The following RGS7 variants were observed in gnomAD, a reference collection of about 807,000 sequenced individuals.
RGS7 encodes the protein regulator of G-protein signaling 7.
In RGS7, 27 loss-of-function variants were observed where a neutral mutation model predicts 81.1. The ratio of observed to expected loss-of-function variants is 0.33; its 90% CI spans 0.25 to 0.46. The LOEUF (loss-of-function observed/expected upper bound fraction) is 0.46, where lower values mean the gene tolerates loss of function less well. Among genes scored for constraint, RGS7 ranks in the 20% least tolerant of loss-of-function variants. The pLI is 1.00. For synonymous variants in RGS7, 208 were observed against 207.7 expected (o/e 1.00, Z -0.01); for missense variants, 396 against 607.4 (o/e 0.65, Z 3.66).
At chr1:240,786,022 C>T (rs147619202) in intron 18 of RGS7, among the ~76,000 whole-genome samples, 13 of 152,216 alleles carry the variant, frequency 8.5e-5, no homozygotes, top group African/African-American at 2.4e-4. Context: ...TCTAGTACTA[C>T]GTACTAAAAA....
intron 2 of RGS7, among the ~76,000 whole-genome samples, chr1:241,339,127 G>A (rs905000646): frequency 1.3e-5 from 2 of 152,176 alleles, no homozygotes; most frequent in African/African-American, 4.8e-5. Flanking sequence ...TTATAAGTGA[G>A]AACATGCAGT....
chr1:241,088,489 A>T (rs565635765), intron 3 of RGS7, among the ~76,000 whole-genome samples: 2 of 152,230 alleles, frequency 1.3e-5, no homozygotes, highest in Admixed American at 6.5e-5. Context: ...AAAACCAGAG[A>T]CTAAAATGAA....
intron 2 of RGS7, among the ~76,000 whole-genome samples, chr1:241,156,170 A>C (rs914754382): frequency 6.8e-6 from 1 of 146,022 alleles, no homozygotes; most frequent in Non-Finnish European, 1.5e-5. Flanking sequence ...AGATAGATAG[A>C]TACATATACA....
chr1:241,273,181 C>T (rs2078012552), intron 2 of RGS7, among the ~76,000 whole-genome samples: 1 of 116,776 alleles, frequency 8.6e-6, no homozygotes, highest in Admixed American at 8.6e-5. Context: ...ATGAACCCCC[C>T]CCCCCAAAGG....
intron 3 of RGS7, among the ~76,000 whole-genome samples, chr1:241,034,899 G>C (rs1416709309): frequency 6.6e-6 from 1 of 152,176 alleles, no homozygotes; most frequent in Non-Finnish European, 1.5e-5. Context: ...TGAGAGAGTG[G>C]AGCAAAACTT....
At position 240,982,641 on chromosome 1, in the gene RGS7, G is replaced by A. The variant is rs530880126; in HGVS notation, c.226+438C>T. On this transcript the variant is annotated intron_variant, in intron 4 of 18. Transcript: ENST00000440928. Reference sequence around the variant, plus strand: ...ACACACACACACCATGTAGGCACGAGAAAAAAAATCAGAATTACAAATAAA... The same window carrying A: ...ACACACACACACCATGTAGGCACGAAAAAAAAAATCAGAATTACAAATAAA... 3.0e-3 allele frequency among the ~76,000 whole-genome samples: 462 copies of A among 151,558 alleles called. 2 individuals are homozygous for A. Among genetic ancestry groups the A allele is most frequent in the Non-Finnish European group, 5.2e-3 (352 of 67,882 alleles).
chr1:240,955,064 C>T (rs1277315682), intron 4 of RGS7, among the ~76,000 whole-genome samples: 1 of 152,028 alleles, frequency 6.6e-6, no homozygotes, highest in Admixed American at 6.6e-5. Context: ...AACTACATAA[C>T]ACTAATTAAA....
chr1:241,071,256 GAAAATAAAAAGAA>G (rs1324750539), intron 3 of RGS7, among the ~76,000 whole-genome samples: 1 of 151,912 alleles, frequency 6.6e-6, no homozygotes, highest in Admixed American at 6.6e-5. Flanking sequence ...GGGATTCATG[GAAAATAAAAAGAA>G]AAAATGAAAA....
intron 2 of RGS7, among the ~76,000 whole-genome samples, chr1:241,193,654 A>T (rs1267760079): frequency 2.6e-5 from 4 of 152,226 alleles, no homozygotes; most frequent in Non-Finnish European, 5.9e-5. Context: ...TACTTATACA[A>T]TTTGAGAAGA....
chr1:240,830,497 A>G (rs1434373850), intron 9 of RGS7, among the ~76,000 whole-genome samples: 2 of 152,146 alleles, frequency 1.3e-5, no homozygotes, highest in African/African-American at 4.8e-5. Context: ...CTAGACCCCA[A>G]ACTCTCTTCC....
intron 10 of RGS7, among the ~76,000 whole-genome samples, chr1:240,822,777 A>G (rs1692035665): frequency 6.6e-6 from 1 of 152,198 alleles, no homozygotes; most frequent in Non-Finnish European, 1.5e-5. Flanking sequence ...TTTTTAAAAG[A>G]ATCTTTTTAG....
chr1:241,190,073 A>G (rs763863927), intron 2 of RGS7, among the ~76,000 whole-genome samples: 4 of 151,914 alleles, frequency 2.6e-5, no homozygotes, highest in Non-Finnish European at 4.4e-5. Context: ...ACTGCACTCC[A>G]GCCTGGGCGA....
chr1:240,871,711 C>T lies in RGS7; in HGVS notation c.386-1592G>A, dbSNP rs192942306. ...CGCCACTGTGACTTGAATAAAATATCTAAAATGTTCTAAGCAGTTGTAAAA... is the reference window on the plus strand; with the variant it reads ...CGCCACTGTGACTTGAATAAAATATTTAAAATGTTCTAAGCAGTTGTAAAA... On this transcript the variant is annotated intron_variant, in intron 6 of 18. Transcript: ENST00000440928. 2.6e-3 allele frequency among the ~76,000 whole-genome samples: 390 copies of T among 152,264 alleles called. 2 individuals are homozygous for T. The highest frequency in any genetic ancestry group is 8.7e-3 in the African/African-American group (362 of 41,560).
At chr1:241,052,980 T>G (rs1324614873) in intron 3 of RGS7, among the ~76,000 whole-genome samples, 1 of 152,084 alleles carries the variant, frequency 6.6e-6, no homozygotes, top group Non-Finnish European at 1.5e-5. Flanking sequence ...TTCTGGGTGC[T>G]TCAAAAATGT....
At chr1:240,915,424 C>T (rs1572740329) in intron 6 of RGS7, among the ~76,000 whole-genome samples, 1 of 152,122 alleles carries the variant, frequency 6.6e-6, no homozygotes, top group African/African-American at 2.4e-5. Flanking sequence ...TACCACAATA[C>T]CAGTAGGGCT....
At position 241,147,777 on chromosome 1, in the gene RGS7, G is replaced by GTT. The variant is rs1250741585; in HGVS notation, c.79-49017_79-49016dup. Among the ~76,000 whole-genome samples the GTT allele has an allele frequency of 5.5e-3, 84 of 15,412 alleles. 2 individuals are homozygous for GTT. Among genetic ancestry groups the GTT allele is most frequent in the Non-Finnish European group, 9.3e-3 (63 of 6,808 alleles). The allele number at this position is 15,412 out of a possible 152,430, so 10.1% of individuals were successfully genotyped here. A position where few individuals can be genotyped will look rare whatever the true frequency, so the allele number is the denominator to read the frequency against. On this transcript the variant is annotated intron_variant, in intron 2 of 18. Coordinates refer to ENST00000440928, the MANE Select transcript of RGS7 (RefSeq NM_001364886.1). The stretch of plus-strand genomic sequence containing the variant: ...GGATTAAATATCCCATCTAGATTAA[G>GTT]TTTTATATATATATATATATATATA...
At chr1:240,855,308 C>CAAAAAAAAAAAA (rs758331434) in intron 9 of RGS7, among the ~76,000 whole-genome samples, 2 of 14,928 alleles carry the variant, frequency 1.3e-4, no homozygotes, top group African/African-American at 3.7e-4. Context: ...GACCATGTCT[C>CAAAAAAAAAAAA]AAAAAAAAAA....
At chr1:241,131,093 T>G (rs1344946554) in intron 2 of RGS7, among the ~76,000 whole-genome samples, 1 of 146,416 alleles carries the variant, frequency 6.8e-6, no homozygotes, top group Non-Finnish European at 1.5e-5. Context: ...ACATGATTCA[T>G]TTTTTTTTAA....
intron 14 of RGS7, among the ~76,000 whole-genome samples, chr1:240,807,700 C>T (rs1689110293): frequency 6.6e-6 from 1 of 152,092 alleles, no homozygotes; most frequent in African/African-American, 2.4e-5. Context: ...AAGACCTTTC[C>T]CTCTTAAAAC....
Sources: allele counts gnomAD v4.1 joint callset (sites outside exome capture counted in the v4.1 genomes callset), GRCh38; gene constraint gnomAD v4.1.1; transcripts MANE v1.5; gene names NCBI Gene and HGNC (gene_info 2026-07-23, HGNC 2026-07-21).